MLLT10: variants seen among roughly 807,000 people sequenced by gnomAD.
MLLT10 encodes MLLT10 histone lysine methyltransferase DOT1L cofactor, also known as protein AF-10.
In MLLT10, 30 loss-of-function variants were observed where a neutral mutation model predicts 129.1. The observed-to-expected ratio is 0.23, with a 90% CI of 0.17 to 0.32. The LOEUF (loss-of-function observed/expected upper bound fraction) is 0.32, where lower values mean the gene tolerates loss of function less well. MLLT10 is among the 10% of genes least tolerant of loss of function. The probability of loss-of-function intolerance (pLI) is 1.00; values close to 1 mark genes in which losing one functional copy is unlikely to be tolerated. For synonymous variants in MLLT10, 490 were observed against 446.4 expected, an observed-to-expected ratio of 1.10 and a Z score of -1.23; for missense variants, 1,119 against 1,268.3, an observed-to-expected ratio of 0.88 and a Z score of 1.79.
At chr10:21,571,317 TTCTC>T (rs368301581) in intron 3 of MLLT10, among the ~76,000 whole-genome samples, 1 of 151,864 alleles carries the variant, frequency 6.6e-6, no homozygotes, top group South Asian at 2.1e-4. Flanking sequence ...ATCTCTTCAT[TTCTC>T]TCTCTCTCTC....
Position 21,700,740 on chromosome 10 carries a change from T to C in MLLT10, c.1700-13032T>C, listed in dbSNP as rs1196956120. On this transcript the variant is annotated intron_variant, in intron 13 of 22. Transcript: ENST00000307729. ...TTTTGATGTTTTGTTGAATTCGGTT[T>C]GCTAGCATTTTGTTGGGGATTTTTG... Among the ~76,000 whole-genome samples the C allele has an allele frequency of 2.0e-5, 3 of 152,200 alleles. No homozygotes were observed. In the East Asian group the frequency reaches 5.8e-4, roughly 29 times the overall value.
At chr10:21,617,326 T>C (rs963739520) in intron 8 of MLLT10, 119 bp downstream of exon 8, 19 of 409,220 alleles carry the variant, frequency 4.6e-5, no homozygotes, top group Non-Finnish European at 6.6e-5. Context: ...TATAGAAACA[T>C]TTTGGCTAAT....
chr10:21,563,294 C>T (rs1338510866), intron 3 of MLLT10, among the ~76,000 whole-genome samples: 2 of 152,034 alleles, frequency 1.3e-5, no homozygotes, highest in South Asian at 2.1e-4. Context: ...GAGGCTGAGG[C>T]GGGTGGGTCA....
At chr10:21,606,484 T>A (rs1437334472) in intron 5 of MLLT10, among the ~76,000 whole-genome samples, 1 of 152,244 alleles carries the variant, frequency 6.6e-6, no homozygotes, top group Non-Finnish European at 1.5e-5. Context: ...GAATTCACCA[T>A]TCTGGGTACC....
chr10:21,589,185 A>G (rs989709722), intron 4 of MLLT10, among the ~76,000 whole-genome samples: 2 of 152,094 alleles, frequency 1.3e-5, no homozygotes, highest in African/African-American at 4.8e-5. Flanking sequence ...CCATCTGGTC[A>G]GTCTTTGTTT....
At chr10:21,582,054 A>G (rs1303170626) in intron 3 of MLLT10, among the ~76,000 whole-genome samples, 1 of 152,122 alleles carries the variant, frequency 6.6e-6, no homozygotes, top group Non-Finnish European at 1.5e-5. Flanking sequence ...GTTGTTATGC[A>G]GACTGCATTT....
At chr10:21,579,709 T>C (rs1256255606) in intron 3 of MLLT10, among the ~76,000 whole-genome samples, 7 of 151,350 alleles carry the variant, frequency 4.6e-5, no homozygotes, top group Non-Finnish European at 7.4e-5. Flanking sequence ...ACTACAGGTG[T>C]GTGCCACCAC....
intron 8 of MLLT10, chr10:21,624,982 C>G: frequency 5.9e-6 from 7 of 1,179,460 alleles, no homozygotes; most frequent in Non-Finnish European, 7.3e-6. Flanking sequence ...CCTCCCCTTC[C>G]TCCTCTTCCT....
At chr10:21,599,870 C>A (rs1476813451) in intron 5 of MLLT10, among the ~76,000 whole-genome samples, 1 of 152,114 alleles carries the variant, frequency 6.6e-6, no homozygotes, top group Non-Finnish European at 1.5e-5. Flanking sequence ...ATGGGCCCAG[C>A]CCCATCTTGT....
At chr10:21,738,083 C>CGTG in intron 21 of MLLT10, among the ~76,000 whole-genome samples, 1 of 152,060 alleles carries the variant, frequency 6.6e-6, no homozygotes. Flanking sequence ...GCCTGACCAA[C>CGTG]GTGGTGAAAC....
chr10:21,548,030 T>G (rs186288549), intron 3 of MLLT10, among the ~76,000 whole-genome samples: 1 of 152,312 alleles, frequency 6.6e-6, no homozygotes, highest in African/African-American at 2.4e-5. Context: ...AAAGTTATAT[T>G]AGTCTTTTTG....
chr10:21,580,733 G>A (rs1337852380), intron 3 of MLLT10, among the ~76,000 whole-genome samples: 1 of 150,836 alleles, frequency 6.6e-6, no homozygotes, highest in Admixed American at 6.7e-5. Flanking sequence ...ACAGAGTCTT[G>A]CACTGTCGCC....
At position 21,738,407 on chromosome 10, in the gene MLLT10, T is replaced by C. The variant is rs1321615349; in HGVS notation, c.2956-1623T>C. On this transcript the variant is annotated intron_variant, in intron 21 of 22. Transcript: ENST00000307729. ...TCAAGATTTTACTCTAATAATAGCA[T>C]GTGTAGCTGTCTCATTTCCAGAACA... is the stretch of plus-strand genomic sequence containing the variant. 4 of 1,288,808 alleles carry C rather than the reference T, an allele frequency of 3.1e-6. No individual in the cohort carries two copies. The Admixed American group carries it at 9.2e-5, about 30-fold the overall frequency. 79.8% of individuals were successfully genotyped at this position (1,288,808 alleles called of 1,614,324 possible). A position where few individuals can be genotyped will look rare whatever the true frequency, so the allele number is the denominator to read the frequency against.
chr10:21,656,625 A>G (rs577961609), intron 9 of MLLT10, among the ~76,000 whole-genome samples: 4 of 152,292 alleles, frequency 2.6e-5, no homozygotes, highest in East Asian at 1.9e-4. Context: ...CCTTTTGCAT[A>G]TAAATGTTTT....
intron 10 of MLLT10, among the ~76,000 whole-genome samples, chr10:21,671,678 C>T (rs2051421778): frequency 6.6e-6 from 1 of 152,046 alleles, no homozygotes; most frequent in South Asian, 2.1e-4. Flanking sequence ...CCAGCTACTT[C>T]AGAGGCCGAG....
At chr10:21,724,969 C>CT (rs1426145016) in intron 14 of MLLT10, among the ~76,000 whole-genome samples, 1 of 152,148 alleles carries the variant, frequency 6.6e-6, no homozygotes, top group East Asian at 1.9e-4. Context: ...AAGACAGTGC[C>CT]TTATATGGGG....
chr10:21,596,069 T>C (rs1188862352), intron 5 of MLLT10, among the ~76,000 whole-genome samples: 3 of 152,076 alleles, frequency 2.0e-5, no homozygotes, highest in Non-Finnish European at 4.4e-5. Context: ...TGGAAGAAAT[T>C]GCAGCCAGCT....
At chr10:21,708,295 C>G (rs546083872) in intron 13 of MLLT10, among the ~76,000 whole-genome samples, 1 of 152,290 alleles carries the variant, frequency 6.6e-6, no homozygotes, top group African/African-American at 2.4e-5. Context: ...GTGTATTTTC[C>G]TAGAGCTCAT....
chr10:21,696,414 G>A (rs2054368130), intron 13 of MLLT10, among the ~76,000 whole-genome samples: 1 of 151,980 alleles, frequency 6.6e-6, no homozygotes, highest in Admixed American at 6.6e-5. Context: ...GATCTGCCTT[G>A]TTGCTAGAAA....
Sources: gnomAD v4.1 joint callset for allele counts (sites outside exome capture counted in the v4.1 genomes callset) on GRCh38, gnomAD v4.1.1 for gene constraint, MANE v1.5 for transcripts, NCBI Gene and HGNC (gene_info 2026-07-23, HGNC 2026-07-21) for gene names.